CAPN14: variants seen among roughly 807,000 people sequenced by gnomAD.
CAPN14 encodes the protein calpain-14.
CAPN14 carries 94 observed loss-of-function variants against 101.3 expected under a neutral mutation model. The observed-to-expected ratio is 0.93, with a 90% CI of 0.79 to 1.10. The LOEUF (loss-of-function observed/expected upper bound fraction) is 1.10. Among genes scored for constraint, CAPN14 ranks in the 50% least tolerant of loss-of-function variants. The probability of loss-of-function intolerance (pLI) is 0.00; values close to 1 mark genes in which losing one functional copy is unlikely to be tolerated. For missense variants in CAPN14, 837 were observed against 828.4 expected (o/e 1.01, Z -0.13); for synonymous variants, 338 against 317.9 (o/e 1.06, Z -0.67).
At chr2:31,179,125 C>G (rs1680463889) in intron 17 of CAPN14, among the ~76,000 whole-genome samples, 1 of 139,574 alleles carries the variant, frequency 7.2e-6, no homozygotes, top group African/African-American at 2.7e-5. Flanking sequence ...GCACAATGTG[C>G]AGGTTTGTTA....
chr2:31,224,505 A>C (rs1682962779), intron 2 of CAPN14, among the ~76,000 whole-genome samples: 1 of 152,178 alleles, frequency 6.6e-6, no homozygotes, highest in African/African-American at 2.4e-5. Context: ...CATTGAAATC[A>C]TGAACAAAAC....
chr2:31,220,149 C>G (rs1296837941), upstream of CAPN14, among the ~76,000 whole-genome samples: 1 of 152,112 alleles, frequency 6.6e-6, no homozygotes, highest in Admixed American at 6.5e-5. Flanking sequence ...AACTCCTTTT[C>G]CAAATGAATC....
intron 1 of CAPN14, among the ~76,000 whole-genome samples, chr2:31,212,056 G>A (rs11887765): frequency 0.15 from 23,263 of 152,032 alleles, 2,140 homozygotes; most frequent in East Asian, 0.35. Flanking sequence ...AGTGGCTCAC[G>A]TCTGCAATCC....
At chr2:31,193,590 C>G (rs560205157) in intron 9 of CAPN14, among the ~76,000 whole-genome samples, 1 of 152,328 alleles carries the variant, frequency 6.6e-6, no homozygotes, top group Admixed American at 6.5e-5. Context: ...ATGGTGATAG[C>G]AGCTGAATTA....
At chr2:31,229,348 G>A (rs1384160686) in intron 1 of CAPN14, among the ~76,000 whole-genome samples, 1 of 152,134 alleles carries the variant, frequency 6.6e-6, no homozygotes, top group Non-Finnish European at 1.5e-5. Flanking sequence ...GCCAGGTGTA[G>A]TTTGTCTTGA....
chr2:31,213,917 G>A (rs1321592555), intron 1 of CAPN14, among the ~76,000 whole-genome samples: 1 of 152,096 alleles, frequency 6.6e-6, no homozygotes, highest in Admixed American at 6.5e-5. Flanking sequence ...TTAATGGTTT[G>A]AAAGGCTTTA....
intron 1 of CAPN14, among the ~76,000 whole-genome samples, chr2:31,210,927 TC>T (rs1319495330): frequency 6.6e-6 from 1 of 152,054 alleles, no homozygotes; most frequent in African/African-American, 2.4e-5. Context: ...TGTTATTTCT[TC>T]TTTTTCACTA....
chr2:31,210,375 G>A (rs1053355228), intron 1 of CAPN14, among the ~76,000 whole-genome samples: 3 of 152,212 alleles, frequency 2.0e-5, no homozygotes, highest in Admixed American at 1.3e-4. Flanking sequence ...GTGAACCCGG[G>A]AGGCGGAGCT....
In CAPN14 at chr2:31,223,546, T is replaced by C. The variant is rs557182973; in HGVS notation, c.-53+2982A>G. Among the ~76,000 whole-genome samples, 16 of 144,762 alleles carry C rather than the reference T, an allele frequency of 1.1e-4. No homozygotes were observed. The South Asian group carries it at 3.7e-3, about 33-fold the overall frequency. The allele number at this position is 144,762 out of a possible 152,430, so 95.0% of individuals were successfully genotyped here. ...GTTTCTTTTTCTTTTTCTTTTCTTTTTTTTTTTTTTTTGAGATGGAGTCCC... is the reference window on the plus strand; with the variant it reads ...GTTTCTTTTTCTTTTTCTTTTCTTTCTTTTTTTTTTTTGAGATGGAGTCCC... On this transcript the variant is annotated intron_variant and NMD_transcript_variant, in intron 2 of 21. Coordinates refer to the CAPN14 transcript ENST00000398824.
chr2:31,203,765 T>C (rs1343165132), intron 2 of CAPN14, among the ~76,000 whole-genome samples: 1 of 152,122 alleles, frequency 6.6e-6, no homozygotes, highest in African/African-American at 2.4e-5. Flanking sequence ...AGGGACTTCA[T>C]AAGTCTGGGG....
upstream of CAPN14, among the ~76,000 whole-genome samples, chr2:31,219,141 AGTT>A (rs1022920807): frequency 1.3e-5 from 2 of 151,678 alleles, no homozygotes; most frequent in African/African-American, 4.8e-5. Context: ...TCTATGTCTA[AGTT>A]GTTGTTATGG....
chr2:31,201,220 T>A (rs1163267675), intron 5 of CAPN14, among the ~76,000 whole-genome samples: 1 of 151,606 alleles, frequency 6.6e-6, no homozygotes, highest in Admixed American at 6.6e-5. Flanking sequence ...CATGTGTGTG[T>A]CTGTGTTTGC....
chr2:31,209,153 T>TTTC (rs1171993474), intron 1 of CAPN14, among the ~76,000 whole-genome samples: 3 of 151,154 alleles, frequency 2.0e-5, no homozygotes, highest in Non-Finnish European at 4.4e-5. Flanking sequence ...TTTTTTTTTT[T>TTTC]TTCTGGAGAG....
intron 2 of CAPN14, among the ~76,000 whole-genome samples, chr2:31,224,391 C>A (rs1456683879): frequency 6.6e-6 from 1 of 151,486 alleles, no homozygotes; most frequent in Non-Finnish European, 1.5e-5. Context: ...TTTATCCAGC[C>A]AAAAGGAAAA....
At chr2:31,199,386 A>C in intron 7 of CAPN14, 84 bp downstream of exon 7, 1 of 1,193,438 alleles carries the variant, frequency 8.4e-7, no homozygotes, top group South Asian at 1.3e-5. Context: ...GATGGTACAG[A>C]AACTAAATCC....
chr2:31,202,117 C>A lies in CAPN14; in HGVS notation c.414+17G>T. On this transcript the variant is annotated intron_variant, in intron 4 of 21. Coordinates refer to ENST00000403897, the MANE Select transcript of CAPN14 (RefSeq NM_001145122.2). The stretch of plus-strand genomic sequence containing the variant: ...CCTATGACTCCCTCTGGGCTGAGGA[C>A]CCGGGAAGACACTCACCCAGAACCG... The A allele has an allele frequency of 6.4e-7, 1 of 1,550,638 alleles. No homozygotes were observed. The highest frequency in any genetic ancestry group is 8.7e-7 in the Non-Finnish European group (1 of 1,145,924).
rs1489792089 is a variant in CAPN14 at position 31,193,146 on chromosome 2, T to G, written c.1099A>C (p.Arg367=). 3.9e-6 allele frequency: 6 copies of G among 1,550,482 alleles called. No individual in the cohort carries two copies. Among genetic ancestry groups the G allele is most frequent in the Non-Finnish European group, 5.2e-6 (6 of 1,146,886 alleles). Residue 367 remains arginine, a synonymous_variant, in exon 10 of 22, where the codon AGG becomes CGG. Coordinates refer to ENST00000403897, the MANE Select transcript of CAPN14 (RefSeq NM_001145122.2). ...WEKRSTAGGQ[R]QLLQDTFWKN... ...ACATGCTCACCCTGCAGCAACTGCCTCTGGCCACCAGCTGTGCTCCGCTTC... is the reference window on the plus strand; with the variant it reads ...ACATGCTCACCCTGCAGCAACTGCCGCTGGCCACCAGCTGTGCTCCGCTTC...
chr2:31,185,537 C>T (rs562423169), intron 16 of CAPN14, among the ~76,000 whole-genome samples: 71 of 152,294 alleles, frequency 4.7e-4, no homozygotes, highest in African/African-American at 1.6e-3. Context: ...TTTAAATGTG[C>T]ATGAGCCATT....
Position 31,186,502 on chromosome 2 carries a change from T to G in CAPN14, c.1588-17A>C, listed in dbSNP as rs765639630. The G allele has an allele frequency of 2.6e-6, 4 of 1,543,442 alleles. 1 individual carries two copies. The South Asian group carries it at 4.8e-5, about 19-fold the overall frequency. Reference sequence around the variant, plus strand: ...CTCTGGATGCTAAATAGAAAGCAGATTGGCAAGAAAAAATAACTGTTACTG... The same window carrying G: ...CTCTGGATGCTAAATAGAAAGCAGAGTGGCAAGAAAAAATAACTGTTACTG... On this transcript the variant is annotated splice_polypyrimidine_tract_variant and intron_variant, in intron 15 of 21. Coordinates refer to ENST00000403897, the MANE Select transcript of CAPN14 (RefSeq NM_001145122.2).
Sources: gnomAD v4.1 joint callset for allele counts (sites outside exome capture counted in the v4.1 genomes callset) on GRCh38, gnomAD v4.1.1 for gene constraint, MANE v1.5 for transcripts, NCBI Gene and HGNC (gene_info 2026-07-23, HGNC 2026-07-21) for gene names.